PLAC1: variants seen among roughly 807,000 people sequenced by gnomAD.
The protein encoded by PLAC1 is placenta associated 1, also known as placenta-specific protein 1.
For missense variants in PLAC1, 136 were observed against 163.2 expected (o/e 0.83, Z 0.91); for synonymous variants, 68 against 62.1 (o/e 1.09, Z -0.44).
chrX:134,709,736 G>A (rs916847713), intron 2 of PLAC1, among the ~76,000 whole-genome samples: 13 of 112,152 alleles, frequency 1.2e-4, no homozygotes, highest in Admixed American at 5.7e-4. Context: ...ATTATAAATC[G>A]TGGAGGATAA....
At chrX:134,659,536 T>C (rs2078407875), upstream of PLAC1, among the ~76,000 whole-genome samples, 1 of 110,513 alleles carries the variant, frequency 9.0e-6, no homozygotes. Context: ...TAAGTGGGGA[T>C]GGGGGAAAAA....
chrX:134,635,703 C>T (rs1195715215), intron 1 of PLAC1, among the ~76,000 whole-genome samples: 1 of 111,652 alleles, frequency 9.0e-6, no homozygotes, highest in African/African-American at 3.3e-5. Flanking sequence ...CATCCCCTCA[C>T]TGCACCTCAC....
intron 1 of PLAC1, among the ~76,000 whole-genome samples, chrX:134,605,385 C>T: frequency 8.9e-6 from 1 of 112,285 alleles, no homozygotes; most frequent in Middle Eastern, 4.6e-3. Context: ...CCAGCTTCAG[C>T]TCTCCCCGCA....
At chrX:134,568,440 G>C (rs1026560749) in intron 2 of PLAC1, among the ~76,000 whole-genome samples, 2 of 112,139 alleles carry the variant, frequency 1.8e-5, no homozygotes, top group Admixed American at 1.9e-4. Context: ...CTAGAAAAAC[G>C]CACTGGCCTG....
At chrX:134,731,896 C>G (rs980141979) in intron 2 of PLAC1, among the ~76,000 whole-genome samples, 6 of 111,848 alleles carry the variant, frequency 5.4e-5, no homozygotes, top group Admixed American at 1.9e-4. Flanking sequence ...TGGCAAACAC[C>G]TGTAGTTCCA....
At chrX:134,577,750 C>CGT (rs750817404) in intron 2 of PLAC1, among the ~76,000 whole-genome samples, 3,986 of 93,937 alleles carry the variant, frequency 0.042, 81 homozygotes, top group Middle Eastern at 0.066. Flanking sequence ...TGCATGCATG[C>CGT]GTGTGTGTGT....
intron 2 of PLAC1, among the ~76,000 whole-genome samples, chrX:134,578,237 C>A (rs1377394691): frequency 9.1e-6 from 1 of 109,779 alleles, no homozygotes; most frequent in Non-Finnish European, 1.9e-5. Context: ...CACGGTGAAA[C>A]CCCGTCTCTA....
At chrX:134,698,983 C>T (rs760556939) in intron 2 of PLAC1, among the ~76,000 whole-genome samples, 3 of 111,461 alleles carry the variant, frequency 2.7e-5, no homozygotes, top group African/African-American at 9.8e-5. Flanking sequence ...TACCCTCAGC[C>T]TCCATATATT....
At position 134,602,476 on chromosome X, in the gene PLAC1, T is replaced by C. The variant is rs750403005; in HGVS notation, c.-130-354A>G. Among the ~76,000 whole-genome samples, 4 of 112,595 alleles carry C rather than the reference T, an allele frequency of 3.6e-5. No individual in the cohort carries two copies. In the East Asian group the frequency reaches 1.1e-3, roughly 31 times the overall value. On this transcript the variant is annotated intron_variant, in intron 1 of 2. Transcript: ENST00000359237. Reference sequence around the variant, plus strand: ...TCTGAAAAAGAAGACCTACTTACTATATAGTGGATGATGGTGCAAGAAGTA... The same window carrying C: ...TCTGAAAAAGAAGACCTACTTACTACATAGTGGATGATGGTGCAAGAAGTA...
chrX:134,693,650 T>C (rs1199834191), intron 2 of PLAC1, among the ~76,000 whole-genome samples: 1 of 111,469 alleles, frequency 9.0e-6, no homozygotes, highest in Non-Finnish European at 1.9e-5. Context: ...ACCATTCTTA[T>C]ATGAGTTGGC....
At chrX:134,697,813 A>T (rs1569406835) in intron 2 of PLAC1, among the ~76,000 whole-genome samples, 1 of 112,052 alleles carries the variant, frequency 8.9e-6, no homozygotes, top group Non-Finnish European at 1.9e-5. Context: ...GGTTGCAGTG[A>T]GCAGAGATTG....
intron 1 of PLAC1, among the ~76,000 whole-genome samples, chrX:134,612,878 G>A (rs900764461): frequency 4.5e-5 from 5 of 110,983 alleles, no homozygotes; most frequent in African/African-American, 1.6e-4. Flanking sequence ...GACCCCCAGG[G>A]GGTCCTATTA....
intron 2 of PLAC1, among the ~76,000 whole-genome samples, chrX:134,731,341 T>C (rs189315616): frequency 1.8e-5 from 2 of 112,644 alleles, no homozygotes; most frequent in East Asian, 5.6e-4. Flanking sequence ...TAATGCTCAA[T>C]ATAAAATGCT....
intron 1 of PLAC1, among the ~76,000 whole-genome samples, chrX:134,625,646 G>A (rs918074008): frequency 9.0e-5 from 10 of 111,682 alleles, no homozygotes; most frequent in Non-Finnish European, 1.1e-4. Context: ...CAGCCATGCC[G>A]AAGGAAAGGG....
At chrX:134,686,918 G>A (rs1445109580) in intron 2 of PLAC1, among the ~76,000 whole-genome samples, 1 of 111,366 alleles carries the variant, frequency 9.0e-6, no homozygotes, top group Non-Finnish European at 1.9e-5. Flanking sequence ...AGAATTGGGT[G>A]GTAATGCAAG....
chrX:134,759,424 C>T (rs2078764693), intron 1 of PLAC1, among the ~76,000 whole-genome samples: 1 of 111,717 alleles, frequency 9.0e-6, no homozygotes, highest in South Asian at 3.8e-4. Context: ...GCTAGGAGTA[C>T]AGGCATGAGC....
chrX:134,589,973 A>G lies in PLAC1; in HGVS notation c.-59+12078T>C, dbSNP rs762246466. On this transcript the variant is annotated intron_variant, in intron 2 of 2. Transcript: ENST00000359237. ...CACTTTGGGAGGCCAAGGTGGGCGG[A>G]TCACAAGGTCAGGAGATCAAGACCA... Among the ~76,000 whole-genome samples the G allele has an allele frequency of 2.2e-4, 24 of 110,393 alleles. No individual in the cohort carries two copies. The South Asian group carries it at 8.9e-3, about 41-fold the overall frequency.
At chrX:134,743,792 G>A (rs1002375595) in intron 1 of PLAC1, among the ~76,000 whole-genome samples, 15 of 111,664 alleles carry the variant, frequency 1.3e-4, no homozygotes, top group Non-Finnish European at 2.3e-4. Flanking sequence ...GACTGAGAGT[G>A]GTTTCTAAAA....
At chrX:134,650,972 C>T in intron 1 of PLAC1, 1 of 237,373 alleles carries the variant, frequency 4.2e-6, no homozygotes, top group South Asian at 6.6e-5. Flanking sequence ...TCACAGCAGC[C>T]AAGGAAACTG....
Sources: allele counts gnomAD v4.1 joint callset (sites outside exome capture counted in the v4.1 genomes callset), GRCh38; gene constraint gnomAD v4.1.1; transcripts MANE v1.5; gene names NCBI Gene and HGNC (gene_info 2026-07-23, HGNC 2026-07-21).